RANBP2: variants seen among roughly 807,000 people sequenced by gnomAD.
RANBP2 encodes E3 SUMO-protein ligase RanBP2.
In RANBP2, 57 loss-of-function variants were observed where a neutral mutation model predicts 303.6. That is an observed-to-expected ratio of 0.19 (90% CI 0.15 to 0.23). RANBP2 has a LOEUF of 0.23. Ranked by LOEUF, RANBP2 falls within the 10% of genes least tolerant of loss-of-function variation. RANBP2 has a pLI of 1.00. For missense variants in RANBP2, 3,138 were observed against 3,780.8 expected (o/e 0.83, Z 4.46); for synonymous variants, 1,167 against 1,301.5 (o/e 0.90, Z 2.23).
chr2:108,876,154 A>G, the RANBP2 span: 1 of 1,612,180 alleles, frequency 6.2e-7, no homozygotes, highest in Non-Finnish European at 8.5e-7. Context: ...AAAGGACAAC[A>G]AACCCAGAGC....
the RANBP2 span, among the ~76,000 whole-genome samples, chr2:108,862,079 T>TG: frequency 6.6e-6 from 1 of 150,578 alleles, no homozygotes; most frequent in African/African-American, 2.4e-5. Context: ...TGATTTCAGT[T>TG]TTTTTTTTTT....
chr2:109,763,291 A>G, the RANBP2 span, among the ~76,000 whole-genome samples: 1 of 150,604 alleles, frequency 6.6e-6, no homozygotes, highest in Non-Finnish European at 1.5e-5. Context: ...AGCTCATTTA[A>G]TTATAAAGCA....
chr2:109,660,997 T>C, the RANBP2 span, among the ~76,000 whole-genome samples: 1 of 152,162 alleles, frequency 6.6e-6, no homozygotes, highest in Admixed American at 6.5e-5. Context: ...ATCCTTAGGT[T>C]AGTTAGGGTT....
the RANBP2 span, among the ~76,000 whole-genome samples, chr2:109,268,003 C>T: frequency 6.6e-6 from 1 of 151,904 alleles, no homozygotes; most frequent in African/African-American, 2.4e-5. Context: ...CGGACATCCC[C>T]ACTAAGGGTC....
At chr2:109,080,699 T>C in the RANBP2 span, among the ~76,000 whole-genome samples, 1 of 152,138 alleles carries the variant, frequency 6.6e-6, no homozygotes, top group African/African-American at 2.4e-5. Flanking sequence ...AAGGGAACAT[T>C]ATAGAAGCCA....
chr2:109,214,265 G>T, the RANBP2 span, among the ~76,000 whole-genome samples: 1 of 152,114 alleles, frequency 6.6e-6, no homozygotes, highest in Admixed American at 6.5e-5. Context: ...CACCCAAAGG[G>T]AGTGGCCCCA....
At chr2:108,866,877 T>A in the RANBP2 span, among the ~76,000 whole-genome samples, 1 of 150,072 alleles carries the variant, frequency 6.7e-6, no homozygotes, top group African/African-American at 2.5e-5. Flanking sequence ...AGTAAGACTG[T>A]CTGAAAAAAA....
At chr2:109,735,488 CTCTCTCTCTT>C in the RANBP2 span, among the ~76,000 whole-genome samples, 1 of 147,210 alleles carries the variant, frequency 6.8e-6, no homozygotes, top group East Asian at 1.9e-4. Context: ...ATCTCTCTCT[CTCTCTCTCTT>C]TTTCTTTTTT....
chr2:108,741,347 C>A (rs1044031473), intron 7 of RANBP2, among the ~76,000 whole-genome samples: 1 of 151,660 alleles, frequency 6.6e-6, no homozygotes, highest in Admixed American at 6.6e-5. Flanking sequence ...CAGGCCCGTG[C>A]TACCACACCC....
chr2:109,015,479 C>T, the RANBP2 span, among the ~76,000 whole-genome samples: 5 of 151,960 alleles, frequency 3.3e-5, no homozygotes, highest in Admixed American at 6.6e-5. Context: ...GTATATAGGC[C>T]GGGCACAGTG....
chr2:109,342,084 T>C, the RANBP2 span, among the ~76,000 whole-genome samples: 1 of 152,186 alleles, frequency 6.6e-6, no homozygotes, highest in Non-Finnish European at 1.5e-5. Flanking sequence ...CCACATGCTG[T>C]GCTATACAGG....
the RANBP2 span, among the ~76,000 whole-genome samples, chr2:109,033,750 C>T: frequency 2.7e-5 from 4 of 148,924 alleles, no homozygotes; most frequent in African/African-American, 5.0e-5. Context: ...GTCAGGAGTT[C>T]GAGACCAGCC....
At chr2:109,115,641 A>G in the RANBP2 span, among the ~76,000 whole-genome samples, 2 of 152,174 alleles carry the variant, frequency 1.3e-5, no homozygotes, top group East Asian at 3.8e-4. Context: ...TTTAAAGTTA[A>G]TACTGTTATG....
chr2:109,674,241 C>T, the RANBP2 span, among the ~76,000 whole-genome samples: 3 of 147,304 alleles, frequency 2.0e-5, no homozygotes, highest in Admixed American at 2.0e-4. Flanking sequence ...ATTTAACAAC[C>T]CCCCCCCAAA....
the RANBP2 span, among the ~76,000 whole-genome samples, chr2:109,191,626 C>G: frequency 2.0e-5 from 3 of 152,132 alleles, no homozygotes; most frequent in Non-Finnish European, 2.9e-5. Flanking sequence ...AGTGGAATTG[C>G]AGCAAGAGCA....
At chr2:109,587,180 A>G in the RANBP2 span, among the ~76,000 whole-genome samples, 4,735 of 152,244 alleles carry the variant, frequency 0.031, 243 homozygotes, top group African/African-American at 0.11. Flanking sequence ...GAAAGATATG[A>G]AAGAGCTCGC....
the RANBP2 span, among the ~76,000 whole-genome samples, chr2:109,065,236 T>C: frequency 1.4e-4 from 21 of 152,340 alleles, 1 homozygote; most frequent in South Asian, 2.3e-3. Context: ...CTGTAGCTCA[T>C]GGTCAGCTAG....
chr2:108,915,649 C>A, the RANBP2 span, among the ~76,000 whole-genome samples: 1 of 152,050 alleles, frequency 6.6e-6, no homozygotes, highest in African/African-American at 2.4e-5. Flanking sequence ...CCTATAATCC[C>A]AGCACTTTGG....
chr2:109,737,166 C>T, the RANBP2 span: 1 of 858,410 alleles, frequency 1.2e-6, no homozygotes, highest in South Asian at 1.8e-5. Flanking sequence ...CTTCTTCGTC[C>T]TGGTTAATTT....
Sources: allele counts gnomAD v4.1 joint callset (sites outside exome capture counted in the v4.1 genomes callset), GRCh38; gene constraint gnomAD v4.1.1; transcripts MANE v1.5; gene names NCBI Gene and HGNC (gene_info 2026-07-23, HGNC 2026-07-21).